The following SLC4A10 variants were observed in gnomAD, a reference collection of about 807,000 sequenced individuals.
SLC4A10 encodes solute carrier family 4 member 10.
SLC4A10 carries 42 observed loss-of-function variants against 137.7 expected under a neutral mutation model. That is an observed-to-expected ratio of 0.30 (90% confidence interval 0.24 to 0.39). The LOEUF (loss-of-function observed/expected upper bound fraction) is 0.39. Ranked by LOEUF, SLC4A10 falls within the 10% of genes least tolerant of loss-of-function variation. SLC4A10 has a pLI of 1.00. For missense variants in SLC4A10, 925 were observed against 1,355.0 expected (o/e 0.68, Z 4.98); for synonymous variants, 474 against 464.1 (o/e 1.02, Z -0.27).
intron 9 of SLC4A10, among the ~76,000 whole-genome samples, chr2:161,881,046 G>T (rs1333908608): frequency 6.6e-6 from 1 of 152,036 alleles, no homozygotes; most frequent in Non-Finnish European, 1.5e-5. Flanking sequence ...AACTGTATGA[G>T]AAAAGATTTA....
intron 1 of SLC4A10, among the ~76,000 whole-genome samples, chr2:161,728,042 C>T (rs1182537031): frequency 6.6e-6 from 1 of 152,092 alleles, no homozygotes. Context: ...AGTGAAGACA[C>T]AAATTACCAA....
intron 15 of SLC4A10, among the ~76,000 whole-genome samples, 199 bp downstream of exon 15, chr2:161,906,086 C>T (rs1432040612): frequency 1.3e-5 from 2 of 152,132 alleles, no homozygotes; most frequent in African/African-American, 4.8e-5. Flanking sequence ...TCTCATTATA[C>T]CATCTCTGCC....
chr2:161,836,988 C>T (rs901640067), intron 3 of SLC4A10, among the ~76,000 whole-genome samples: 2 of 152,176 alleles, frequency 1.3e-5, no homozygotes, highest in African/African-American at 4.8e-5. Context: ...TAAAGGCATT[C>T]TCAGACAAAG....
chr2:161,920,159 G>A (rs1412204199), intron 15 of SLC4A10, among the ~76,000 whole-genome samples: 3 of 152,196 alleles, frequency 2.0e-5, no homozygotes, highest in Non-Finnish European at 2.9e-5. Flanking sequence ...CTGGTAGCAC[G>A]AGCTGAGCAC....
chr2:161,964,335 C>T, intron 22 of SLC4A10, 27 bp downstream of exon 22: 1 of 1,609,412 alleles, frequency 6.2e-7, no homozygotes, highest in East Asian at 2.2e-5. Context: ...AACTATTTTT[C>T]TCTTTCTCTG....
intron 4 of SLC4A10, among the ~76,000 whole-genome samples, chr2:161,846,338 A>C (rs1246424288): frequency 6.6e-6 from 1 of 152,194 alleles, no homozygotes. Flanking sequence ...GTTGGTGAGG[A>C]TTTGAAAAAA....
chr2:161,806,166 C>A (rs1316774576), intron 3 of SLC4A10, among the ~76,000 whole-genome samples: 5 of 152,150 alleles, frequency 3.3e-5, no homozygotes, highest in East Asian at 1.9e-4. Context: ...ATGGCTGGAG[C>A]AGCTGAAACA....
chr2:161,926,117 C>A (rs1362611610), intron 15 of SLC4A10, among the ~76,000 whole-genome samples: 3 of 152,010 alleles, frequency 2.0e-5, no homozygotes, highest in Non-Finnish European at 4.4e-5. Flanking sequence ...TGTCAACTTT[C>A]TGTCTCGTTG....
At chr2:161,885,117 G>T (rs1003024862) in intron 10 of SLC4A10, among the ~76,000 whole-genome samples, 2 of 152,130 alleles carry the variant, frequency 1.3e-5, no homozygotes, top group African/African-American at 4.8e-5. Flanking sequence ...AGTGGAGATG[G>T]CAATGAGCCA....
At chr2:161,863,370 C>T (rs1449011619) in intron 6 of SLC4A10, among the ~76,000 whole-genome samples, 1 of 152,130 alleles carries the variant, frequency 6.6e-6, no homozygotes, top group Non-Finnish European at 1.5e-5. Context: ...CAAATAAGGT[C>T]CTAGTCTCTG....
At chr2:161,824,401 G>C (rs894494193) in intron 3 of SLC4A10, among the ~76,000 whole-genome samples, 11 of 152,140 alleles carry the variant, frequency 7.2e-5, no homozygotes, top group Non-Finnish European at 1.2e-4. Context: ...TCCTGCTGGA[G>C]AAAACTGTGT....
intron 6 of SLC4A10, among the ~76,000 whole-genome samples, chr2:161,869,994 T>G (rs1443967911): frequency 1.3e-5 from 2 of 151,506 alleles, no homozygotes; most frequent in Non-Finnish European, 3.0e-5. Context: ...AACTCTCAAC[T>G]AGGTCATTAT....
intron 2 of SLC4A10, among the ~76,000 whole-genome samples, chr2:161,781,672 A>G (rs1050827554): frequency 5.9e-5 from 9 of 152,020 alleles, no homozygotes; most frequent in African/African-American, 2.2e-4. Flanking sequence ...ATGGTCAATG[A>G]AAAAATGACA....
intron 23 of SLC4A10, among the ~76,000 whole-genome samples, chr2:161,968,540 G>A (rs1022533994): frequency 6.6e-6 from 1 of 152,226 alleles, no homozygotes; most frequent in Middle Eastern, 3.4e-3. Context: ...CCAAGTTAGA[G>A]GGAAAAGCCT....
At chr2:161,677,339 G>A (rs948810479) in intron 1 of SLC4A10, among the ~76,000 whole-genome samples, 1 of 152,072 alleles carries the variant, frequency 6.6e-6, no homozygotes, top group East Asian at 1.9e-4. Flanking sequence ...ACCAGCAGCC[G>A]AATAAACCTG....
intron 1 of SLC4A10, among the ~76,000 whole-genome samples, chr2:161,634,290 A>T (rs190620225): frequency 6.6e-6 from 1 of 151,998 alleles, no homozygotes; most frequent in Admixed American, 6.6e-5. Context: ...ATACTGTAGA[A>T]GTGATGTTCC....
chr2:161,718,131 T>A (rs751405315), intron 1 of SLC4A10, among the ~76,000 whole-genome samples: 5 of 151,980 alleles, frequency 3.3e-5, no homozygotes, highest in Non-Finnish European at 7.4e-5. Flanking sequence ...TTGTTTGTAT[T>A]TCTGTGATAT....
intron 2 of SLC4A10, among the ~76,000 whole-genome samples, chr2:161,783,950 G>C (rs1053210765): frequency 1.3e-5 from 2 of 151,742 alleles, no homozygotes; most frequent in African/African-American, 4.8e-5. Flanking sequence ...CAAAGACATA[G>C]GGTGGTTGAA....
intron 15 of SLC4A10, among the ~76,000 whole-genome samples, chr2:161,928,324 A>C (rs1188777760): frequency 2.9e-5 from 4 of 139,778 alleles, no homozygotes; most frequent in Non-Finnish European, 6.1e-5. Flanking sequence ...TTGAACAATG[A>C]GAACACATGG....
Sources: gnomAD v4.1 joint callset for allele counts (sites outside exome capture counted in the v4.1 genomes callset) on GRCh38, gnomAD v4.1.1 for gene constraint, MANE v1.5 for transcripts, NCBI Gene and HGNC (gene_info 2026-07-23, HGNC 2026-07-21) for gene names.